GALNT13: variants seen among roughly 807,000 people sequenced by gnomAD.
The protein encoded by GALNT13 is UDP-GalNAc:polypeptide N-acetylgalactosaminyltransferase 13.
GALNT13 carries 28 observed loss-of-function variants against 64.2 expected under a neutral mutation model. The ratio of observed to expected loss-of-function variants is 0.44; its 90% CI spans 0.32 to 0.60. The LOEUF is 0.60. GALNT13 is among the 20% of genes least tolerant of loss of function. The pLI, the probability that GALNT13 is intolerant of heterozygous loss-of-function variation, is 0.05. For synonymous variants in GALNT13, 214 were observed against 224.6 expected, an observed-to-expected ratio of 0.95 and a Z score of 0.42; for missense variants, 577 against 669.8, an observed-to-expected ratio of 0.86 and a Z score of 1.53.
At chr2:154,202,421 G>A (rs1687221298) in intron 4 of GALNT13, among the ~76,000 whole-genome samples, 1 of 152,038 alleles carries the variant, frequency 6.6e-6, no homozygotes, top group Admixed American at 6.6e-5. Flanking sequence ...AAACATGAAT[G>A]GAGGTAGCAT....
At chr2:153,830,282 A>G in the GALNT13 span, among the ~76,000 whole-genome samples, 1 of 152,146 alleles carries the variant, frequency 6.6e-6, no homozygotes. Flanking sequence ...TAATAAATTC[A>G]CAATTTTCTT....
At chr2:154,367,540 A>G (rs1372008689) in intron 9 of GALNT13, among the ~76,000 whole-genome samples, 2 of 152,158 alleles carry the variant, frequency 1.3e-5, no homozygotes, top group South Asian at 4.1e-4. Context: ...TGTTTTTTTA[A>G]TATTATGTAC....
the GALNT13 span, among the ~76,000 whole-genome samples, chr2:153,698,482 A>G: frequency 6.6e-6 from 1 of 152,226 alleles, no homozygotes; most frequent in African/African-American, 2.4e-5. Context: ...AGCAAAGATC[A>G]AAAAAGACAA....
At chr2:153,203,998 G>C in the GALNT13 span, among the ~76,000 whole-genome samples, 1 of 152,170 alleles carries the variant, frequency 6.6e-6, no homozygotes, top group Non-Finnish European at 1.5e-5. Flanking sequence ...ATATATGAAA[G>C]AGATGAAGAG....
the GALNT13 span, among the ~76,000 whole-genome samples, chr2:153,489,804 T>C: frequency 6.6e-6 from 1 of 152,158 alleles, no homozygotes; most frequent in African/African-American, 2.4e-5. Context: ...GTGTTTATAA[T>C]AGCATATCAA....
At chr2:153,425,312 C>T in the GALNT13 span, among the ~76,000 whole-genome samples, 3 of 151,408 alleles carry the variant, frequency 2.0e-5, no homozygotes, top group Admixed American at 2.0e-4. Context: ...CCTTTGTTTG[C>T]AATATTTTAT....
At chr2:153,165,811 A>T in the GALNT13 span, among the ~76,000 whole-genome samples, 7 of 152,208 alleles carry the variant, frequency 4.6e-5, no homozygotes, top group Non-Finnish European at 8.8e-5. Context: ...ACATATTTTT[A>T]AAATCCTGCT....
At chr2:154,117,196 C>G (rs1206905909) in intron 3 of GALNT13, among the ~76,000 whole-genome samples, 1 of 152,088 alleles carries the variant, frequency 6.6e-6, no homozygotes, top group Non-Finnish European at 1.5e-5. Flanking sequence ...CCCACTGACT[C>G]AAATGTTAAT....
At chr2:154,443,757 G>A (rs1018130624) in intron 12 of GALNT13, among the ~76,000 whole-genome samples, 1 of 151,884 alleles carries the variant, frequency 6.6e-6, no homozygotes, top group African/African-American at 2.4e-5. Context: ...GATACTCCAC[G>A]CTACATTTTA....
At chr2:153,558,310 T>C in the GALNT13 span, among the ~76,000 whole-genome samples, 1 of 152,204 alleles carries the variant, frequency 6.6e-6, no homozygotes, top group Non-Finnish European at 1.5e-5. Context: ...CTGTTATCTG[T>C]TATTTTCCAC....
At chr2:153,942,120 T>C (rs1247171349) in intron 2 of GALNT13, among the ~76,000 whole-genome samples, 1 of 152,222 alleles carries the variant, frequency 6.6e-6, no homozygotes, top group Non-Finnish European at 1.5e-5. Context: ...ATTATAATAA[T>C]ATTCTTCATC....
At chr2:154,265,084 T>G (rs1253132077) in intron 8 of GALNT13, among the ~76,000 whole-genome samples, 16 of 151,592 alleles carry the variant, frequency 1.1e-4, no homozygotes, top group African/African-American at 3.9e-4. Context: ...ATGACACAAA[T>G]TATCAATTTT....
At chr2:153,463,011 C>T in the GALNT13 span, among the ~76,000 whole-genome samples, 1 of 152,020 alleles carries the variant, frequency 6.6e-6, no homozygotes, top group Non-Finnish European at 1.5e-5. Context: ...TCTTTTTACT[C>T]TTATCCCGAG....
At chr2:153,596,916 A>G in the GALNT13 span, among the ~76,000 whole-genome samples, 328 of 152,226 alleles carry the variant, frequency 2.2e-3, 5 homozygotes, top group African/African-American at 7.7e-3. Flanking sequence ...ATTATGTAGG[A>G]AGACTAAAAA....
At chr2:154,056,672 G>A (rs974209933) in intron 3 of GALNT13, among the ~76,000 whole-genome samples, 2 of 152,074 alleles carry the variant, frequency 1.3e-5, no homozygotes, top group African/African-American at 2.4e-5. Flanking sequence ...ACAGTGAAAT[G>A]TGTCATTGAT....
intron 8 of GALNT13, among the ~76,000 whole-genome samples, chr2:154,261,979 T>A (rs1690722574): frequency 6.6e-6 from 1 of 152,148 alleles, no homozygotes; most frequent in African/African-American, 2.4e-5. Flanking sequence ...ACCAAAGGAA[T>A]ACATTGCAAA....
the GALNT13 span, among the ~76,000 whole-genome samples, chr2:153,128,007 A>C: frequency 6.6e-6 from 1 of 152,210 alleles, no homozygotes; most frequent in South Asian, 2.1e-4. Flanking sequence ...TGAGGGGAGT[A>C]AACTTTTTGT....
chr2:153,328,036 G>T, the GALNT13 span, among the ~76,000 whole-genome samples: 12 of 151,668 alleles, frequency 7.9e-5, no homozygotes, highest in East Asian at 3.9e-4. Flanking sequence ...TAGTTTTTTG[G>T]TTTTTTTTCT....
the GALNT13 span, among the ~76,000 whole-genome samples, chr2:153,388,048 C>T: frequency 0.032 from 2,011 of 61,898 alleles, 56 homozygotes; most frequent in African/African-American, 0.11. Flanking sequence ...GAGAGGGGAG[C>T]GGAAGGGGAG....
Sources: gnomAD v4.1 joint callset for allele counts (sites outside exome capture counted in the v4.1 genomes callset) on GRCh38, gnomAD v4.1.1 for gene constraint, MANE v1.5 for transcripts, NCBI Gene and HGNC (gene_info 2026-07-23, HGNC 2026-07-21) for gene names.